ODAD3: variants seen among roughly 807,000 people sequenced by gnomAD.
ODAD3 encodes outer dynein arm docking complex subunit 3.
Under a neutral mutation model 70.9 loss-of-function variants are expected in ODAD3, and 57 were observed. The ratio of observed to expected loss-of-function variants is 0.80; its 90% CI spans 0.65 to 1.00. The LOEUF (loss-of-function observed/expected upper bound fraction) is 1.00, where lower values mean the gene tolerates loss of function less well. ODAD3 is among the 50% of genes least tolerant of loss of function. ODAD3 has a pLI of 0.00. For missense variants in ODAD3, 797 were observed against 763.9 expected (o/e 1.04, Z -0.51); for synonymous variants, 327 against 315.9 (o/e 1.04, Z -0.37).
chr19:11,435,513 G>A (rs932990697), upstream of ODAD3: 3 of 436,452 alleles, frequency 6.9e-6, no homozygotes, highest in African/African-American at 4.1e-5. Flanking sequence ...TCCTGCCCAA[G>A]ATGGCCGTCT....
intron 7 of ODAD3, among the ~76,000 whole-genome samples, chr19:11,424,636 T>C (rs2144760226): frequency 8.5e-6 from 1 of 117,278 alleles, no homozygotes; most frequent in East Asian, 2.4e-4. Context: ...TATATGTATA[T>C]ATGTGTATAT....
intron 7 of ODAD3, among the ~76,000 whole-genome samples, chr19:11,424,621 G>A (rs1286008709): frequency 2.6e-5 from 3 of 113,978 alleles, no homozygotes; most frequent in African/African-American, 4.3e-5. Context: ...ATATACCTAT[G>A]TGTATATATG....
intron 3 of ODAD3, 158 bp downstream of exon 3, chr19:11,430,541 T>C (rs1969480374): frequency 2.8e-6 from 2 of 715,024 alleles, no homozygotes; most frequent in South Asian, 1.7e-5. Context: ...CATGCCAGGA[T>C]GCCAGATACA....
chr19:11,432,557 A>G (rs941721368), intron 1 of ODAD3, among the ~76,000 whole-genome samples: 2 of 150,786 alleles, frequency 1.3e-5, no homozygotes, highest in African/African-American at 2.4e-5. Context: ...GCCCATCTCA[A>G]TTTTTTTTAA....
intron 3 of ODAD3, 133 bp downstream of exon 3, chr19:11,430,566 T>C (rs1969480889): frequency 2.4e-6 from 2 of 847,932 alleles, no homozygotes; most frequent in East Asian, 2.4e-5. Context: ...AAGTGAGTAA[T>C]AAAGATTTAA....
intron 3 of ODAD3, 61 bp from the exon 4 acceptor site, chr19:11,427,101 C>T: frequency 6.9e-7 from 1 of 1,445,872 alleles, no homozygotes. Flanking sequence ...ACACACCTAG[C>T]CCTTCCTCCC....
At chr19:11,431,113 C>CTT (rs371864734) in intron 1 of ODAD3, 93 bp from the exon 2 acceptor site, 7,160 of 1,230,798 alleles carry the variant, frequency 5.8e-3, no homozygotes, top group Non-Finnish European at 6.3e-3. Context: ...CAATCATCAA[C>CTT]TTTTTTTTTT....
intron 8 of ODAD3, among the ~76,000 whole-genome samples, chr19:11,423,192 A>G (rs1599453609): frequency 6.6e-6 from 1 of 152,220 alleles, no homozygotes; most frequent in Admixed American, 6.5e-5. Flanking sequence ...CCGATTCCGC[A>G]GGAAATACCG....
intron 10 of ODAD3, 93 bp from the exon 11 acceptor site, chr19:11,421,925 C>T: frequency 6.9e-7 from 1 of 1,453,446 alleles, no homozygotes; most frequent in East Asian, 2.3e-5. Flanking sequence ...GGGGCGGGGC[C>T]TAGGAGGTAA....
chr19:11,431,267 A>C, intron 1 of ODAD3: 1 of 457,042 alleles, frequency 2.2e-6, no homozygotes, highest in East Asian at 4.4e-5. Flanking sequence ...ATGTACCACC[A>C]CACCTGGCTA....
At chr19:11,435,306 G>A, upstream of ODAD3, 1 of 826,948 alleles carries the variant, frequency 1.2e-6, no homozygotes, top group East Asian at 3.5e-5. Context: ...GCCGCAGGAC[G>A]GAGGGTCTGG....
intron 6 of ODAD3, 58 bp downstream of exon 6, chr19:11,426,388 C>T: frequency 3.7e-6 from 6 of 1,611,268 alleles, no homozygotes; most frequent in Non-Finnish European, 5.1e-6. Flanking sequence ...AGGTCAGATT[C>T]TCAAGCTGGG....
Position 11,429,067 on chromosome 19 carries a change from C to T in ODAD3, c.444+1632G>A, listed in dbSNP as rs532822159. Among the ~76,000 whole-genome samples, 54 of 146,878 alleles carry T rather than the reference C, an allele frequency of 3.7e-4. 1 individual carries two copies. Among genetic ancestry groups the T allele is most frequent in the African/African-American group, 1.3e-3 (53 of 39,606 alleles). On this transcript the variant is annotated intron_variant, in intron 3 of 12. Coordinates refer to ENST00000356392, the MANE Select transcript of ODAD3 (RefSeq NM_145045.5). The stretch of plus-strand genomic sequence containing the variant: ...TAATTTTTTGTATTTTTAGTAGAGA[C>T]GGGGTTTCGCCATGTTGGCCAGGCT...
Position 11,434,904 on chromosome 19 carries a change from T to C in ODAD3, c.113A>G (p.His38Arg). 6.2e-7 allele frequency: 1 copy of C among 1,614,070 alleles called. No homozygotes were observed. The highest frequency in any genetic ancestry group is 8.5e-7 in the Non-Finnish European group (1 of 1,180,026). ...CTGGGCTGTGCCCTTGCCTCGGAGG[T>C]GGCTGGGTTTGCCCGAAGCCTCCCT... ...KGREASGKPS[H>R]LRGKGTAQAW... is the part of the protein sequence containing the mutation. Residue 38 changes from histidine to arginine, a missense_variant, in exon 1 of 13, where the codon CAC becomes CGC. Coordinates refer to ENST00000356392, the MANE Select transcript of ODAD3 (RefSeq NM_145045.5).
At chr19:11,433,083 C>T (rs1313419013) in intron 1 of ODAD3, among the ~76,000 whole-genome samples, 1 of 152,060 alleles carries the variant, frequency 6.6e-6, no homozygotes, top group Non-Finnish European at 1.5e-5. Flanking sequence ...TGTGAGCCAC[C>T]TCGCCCAGCC....
chr19:11,427,178 C>T, intron 3 of ODAD3, 138 bp from the exon 4 acceptor site: 1 of 906,234 alleles, frequency 1.1e-6, no homozygotes. Flanking sequence ...CCCTGGCCAC[C>T]CCTTCTGTGT....
chr19:11,430,502 T>G, intron 3 of ODAD3, 197 bp downstream of exon 3: 1 of 602,596 alleles, frequency 1.7e-6, no homozygotes, highest in Middle Eastern at 4.5e-4. Flanking sequence ...AAGTGGAGAC[T>G]TGGTCTGCTT....
chr19:11,435,660 C>T (rs1969679099), upstream of ODAD3: 4 of 1,294,676 alleles, frequency 3.1e-6, no homozygotes, highest in Non-Finnish European at 3.0e-6. Context: ...ACCGCGGCTG[C>T]TGGACAAGAG....
intron 7 of ODAD3, among the ~76,000 whole-genome samples, chr19:11,425,529 A>ATG (rs2144768130): frequency 2.1e-5 from 3 of 140,318 alleles, no homozygotes; most frequent in African/African-American, 8.7e-5. Flanking sequence ...GTATATATGT[A>ATG]TATATGTGTG....
Sources: allele counts gnomAD v4.1 joint callset (sites outside exome capture counted in the v4.1 genomes callset), GRCh38; gene constraint gnomAD v4.1.1; transcripts MANE v1.5; gene names NCBI Gene and HGNC (gene_info 2026-07-23, HGNC 2026-07-21).